Variants in SUSD5 observed in about 807,000 individuals in gnomAD.
SUSD5 encodes the protein sushi domain containing 5, also known as sushi domain-containing protein 5.
Under a neutral mutation model 29.5 loss-of-function variants are expected in SUSD5, and 33 were observed. The observed-to-expected ratio is 1.12, with a 90% CI of 0.85 to 1.49. The LOEUF (loss-of-function observed/expected upper bound fraction) is 1.49, where lower values mean the gene tolerates loss of function less well. Among genes scored for constraint, SUSD5 ranks in the 40% most tolerant of loss-of-function variants. The probability of loss-of-function intolerance (pLI) is 0.00; values close to 1 mark genes in which losing one functional copy is unlikely to be tolerated. For missense variants in SUSD5, 776 were observed against 800.6 expected (o/e 0.97, Z 0.37); for synonymous variants, 308 against 325.3 (o/e 0.95, Z 0.57).
Position 33,181,024 on chromosome 3 carries a change from T to C in SUSD5, c.410-5950A>G, listed in dbSNP as rs138043656. On this transcript the variant is annotated intron_variant, in intron 3 of 4. Coordinates refer to ENST00000309558, the MANE Select transcript of SUSD5 (RefSeq NM_015551.2). Reference sequence around the variant, plus strand: ...TAATAAATTTAAAAAATAAAAAAAGTATAGAATAAGGATATAAAGAAAGAA... The same window carrying C: ...TAATAAATTTAAAAAATAAAAAAAGCATAGAATAAGGATATAAAGAAAGAA... Among the ~76,000 whole-genome samples the C allele has an allele frequency of 1.2e-3, 179 of 149,112 alleles. 2 individuals carry two copies. Among genetic ancestry groups the C allele is most frequent in the African/African-American group, 4.1e-3 (170 of 41,106 alleles).
At chr3:33,168,683 T>C (rs1185425369) in intron 4 of SUSD5, 2 of 744,874 alleles carry the variant, frequency 2.7e-6, no homozygotes, top group East Asian at 1.3e-4. Context: ...AGAATCTCAC[T>C]CCGTTGCCCA....
chr3:33,155,067 C>A (rs1364978997), intron 4 of SUSD5, among the ~76,000 whole-genome samples: 2 of 152,162 alleles, frequency 1.3e-5, no homozygotes, highest in African/African-American at 4.8e-5. Flanking sequence ...GGTATTGGCA[C>A]AAGGACAGAT....
chr3:33,152,963 G>A lies in SUSD5; in HGVS notation c.1669C>T (p.Pro557Ser), dbSNP rs1301808208. 5 of 1,613,990 alleles carry A rather than the reference G, an allele frequency of 3.1e-6. No individual in the cohort carries two copies. Among genetic ancestry groups the A allele is most frequent in the Non-Finnish European group, 4.2e-6 (5 of 1,179,880 alleles). ...TCCCCCACACACGACTCCAAGGTGG[G>A]ATGAAGCTCCTCACTTGCACCTGGC... ...PGPGASEELH[P>S]TLESCVGDGC... is the part of the protein sequence containing the mutation. Residue 557 changes from proline (P) to serine (S), a missense_variant, in exon 5 of 5, where the codon CCC (proline) becomes TCC (serine). Pro to Ser is a moderately conservative substitution (Grantham distance 74, BLOSUM62 -1). Coordinates refer to ENST00000309558, the MANE Select transcript of SUSD5 (RefSeq NM_015551.2).
chr3:33,211,187 C>T (rs192143989), intron 2 of SUSD5, among the ~76,000 whole-genome samples: 1 of 152,316 alleles, frequency 6.6e-6, no homozygotes, highest in East Asian at 1.9e-4. Flanking sequence ...AGCCACTGCA[C>T]CCAGCTGTAT....
chr3:33,213,978 A>G lies in SUSD5; in HGVS notation c.240T>C (p.Asp80=). The G allele has an allele frequency of 6.2e-7, 1 of 1,613,660 alleles. No homozygotes were observed. The highest frequency in any genetic ancestry group is 8.5e-7 in the Non-Finnish European group (1 of 1,179,784). The change falls in exon 2 of 5, where the codon GAT becomes GAC. Residue 80 remains aspartate (D), a synonymous_variant. Coordinates refer to ENST00000309558, the MANE Select transcript of SUSD5 (RefSeq NM_015551.2). ...CAGTGGTGCACACCGCAAAGGAGCA[A>G]TCCTGTACCACTCTCCGCAGCTCGT... ...SADELRRVVQ[D]CSFAVCTTGW... is the part of the protein sequence containing the mutation.
intron 3 of SUSD5, 94 bp downstream of exon 3, chr3:33,207,714 C>T (rs2032247537): frequency 9.5e-6 from 7 of 739,066 alleles, no homozygotes; most frequent in Non-Finnish European, 1.5e-5. Flanking sequence ...CTAGTAAATC[C>T]TCACTTCAAG....
chr3:33,170,011 G>A lies in SUSD5; in HGVS notation c.598+4875C>T, dbSNP rs539812981. Among the ~76,000 whole-genome samples, 11 of 151,984 alleles carry A rather than the reference G, an allele frequency of 7.2e-5. No individual in the cohort carries two copies. In the South Asian group the frequency reaches 1.9e-3, roughly 26 times the overall value. ...CAGCTCACTGCAACCTCCGCCTCCC[G>A]GGTTCAAGCAATTCTCCTGCCTCAG... On this transcript the variant is annotated intron_variant, in intron 4 of 4. Transcript: ENST00000309558.
intron 4 of SUSD5, among the ~76,000 whole-genome samples, chr3:33,158,017 A>G (rs2125614193): frequency 6.6e-6 from 1 of 152,396 alleles, no homozygotes; most frequent in East Asian, 1.9e-4. Context: ...GTGTCCCTAA[A>G]GTAGAACAGT....
intron 3 of SUSD5, among the ~76,000 whole-genome samples, chr3:33,189,619 T>C (rs1354383838): frequency 6.6e-6 from 1 of 152,178 alleles, no homozygotes; most frequent in Non-Finnish European, 1.5e-5. Context: ...ACAACCATTG[T>C]TTTTGTTTTG....
rs1191544622 is a variant in SUSD5, at chr3:33,174,872, C to G, written c.598+14G>C. ...CGTGGGCACGCGAAGGTGGCCCATC[C>G]CTGGGCTGCTTACCTTTCCCACAGG... is the stretch of plus-strand genomic sequence containing the variant. On this transcript the variant is annotated intron_variant, in intron 4 of 4. Coordinates refer to ENST00000309558, the MANE Select transcript of SUSD5 (RefSeq NM_015551.2). 1.2e-6 allele frequency: 2 copies of G among 1,613,334 alleles called. No individual in the cohort carries two copies. Among genetic ancestry groups the G allele is most frequent in the African/African-American group, 2.7e-5 (2 of 74,922 alleles).
chr3:33,184,403 G>GT (rs1423774812), intron 3 of SUSD5, among the ~76,000 whole-genome samples: 2 of 152,116 alleles, frequency 1.3e-5, no homozygotes, highest in East Asian at 1.9e-4. Flanking sequence ...CCAGGGTGTA[G>GT]TTTTTTGGGT....
At position 33,167,848 on chromosome 3, in the gene SUSD5, T is replaced by C. The variant is rs1411632940; in HGVS notation, c.598+7038A>G. ...CACCTCCCCTCTGCTTTCCTGAGTC[T>C]GCACTCTGACTCAGATCATTCAGCC... On this transcript the variant is annotated intron_variant, in intron 4 of 4. Transcript: ENST00000309558. The surrounding 1 kb of genome is among the most constrained non-coding windows in gnomAD (Gnocchi z 4.1). Among the ~76,000 whole-genome samples the C allele has an allele frequency of 6.6e-6, 1 of 152,192 alleles. No individual in the cohort carries two copies.
At position 33,181,009 on chromosome 3, in the gene SUSD5, A is replaced by T. The variant is rs1032839823; in HGVS notation, c.410-5935T>A. On this transcript the variant is annotated intron_variant, in intron 3 of 4. Transcript: ENST00000309558. ...AAATAATAATAATAATAATAAATTT[A>T]AAAAATAAAAAAAGTATAGAATAAG... 7.3e-5 allele frequency among the ~76,000 whole-genome samples: 11 copies of T among 150,598 alleles called. No individual in the cohort carries two copies. The South Asian group carries it at 1.3e-3, about 17-fold the overall frequency.
chr3:33,208,858 T>C (rs185979151), intron 2 of SUSD5, among the ~76,000 whole-genome samples: 297 of 152,310 alleles, frequency 1.9e-3, no homozygotes, highest in African/African-American at 6.7e-3. Context: ...GTATCCAGTG[T>C]TACTGTTACT....
intron 4 of SUSD5, among the ~76,000 whole-genome samples, chr3:33,160,164 A>G (rs1021225014): frequency 6.6e-6 from 1 of 152,178 alleles, no homozygotes; most frequent in Non-Finnish European, 1.5e-5. Flanking sequence ...TTGCAGAGAC[A>G]GCGTCTCACT....
chr3:33,202,291 C>G (rs1432575918), intron 3 of SUSD5, among the ~76,000 whole-genome samples: 3 of 152,180 alleles, frequency 2.0e-5, no homozygotes, highest in African/African-American at 7.2e-5. Context: ...GGTATCACAG[C>G]TGGAAAATTT....
chr3:33,218,356 T>C (rs2032461963), intron 1 of SUSD5, among the ~76,000 whole-genome samples: 1 of 152,158 alleles, frequency 6.6e-6, no homozygotes, highest in Non-Finnish European at 1.5e-5. Context: ...AATCACCCCT[T>C]AGCAGAGGAG....
intron 3 of SUSD5, among the ~76,000 whole-genome samples, chr3:33,194,329 G>T (rs894749604): frequency 2.6e-5 from 4 of 152,146 alleles, no homozygotes; most frequent in Admixed American, 2.0e-4. Context: ...GGCTCTACGG[G>T]TATTAAACTC....
In SUSD5 at chr3:33,153,514, C is replaced by T; in HGVS notation, c.1118G>A (p.Gly373Asp). Residue 373 changes from glycine to aspartate, a missense_variant, in exon 5 of 5, where the codon GGC becomes GAC. Physicochemically the swap from Gly to Asp is moderately conservative, Grantham distance 94. Coordinates refer to ENST00000309558, the MANE Select transcript of SUSD5 (RefSeq NM_015551.2). ...CCAAGCCCCCTCTGTCACAGGGTAG[C>T]CATCTAACCAGGACTCATCACTGCT... Reference protein sequence around the residue: ...VSSSDESWLDGYPVTEGAWRK... With the variant: ...VSSSDESWLDDYPVTEGAWRK... 1 of 1,614,068 alleles carries T rather than the reference C, an allele frequency of 6.2e-7. No homozygotes were observed. The highest frequency in any genetic ancestry group is 8.5e-7 in the Non-Finnish European group (1 of 1,179,988).
Sources: gnomAD v4.1 joint callset for allele counts (sites outside exome capture counted in the v4.1 genomes callset) on GRCh38, gnomAD v4.1.1 for gene constraint, Gnocchi (gnomAD v3.1) non-coding constraint, MANE v1.5 for transcripts, NCBI Gene and HGNC (gene_info 2026-07-23, HGNC 2026-07-21) for gene names.